KCNH7: variants seen among roughly 807,000 people sequenced by gnomAD.
The protein encoded by KCNH7 is potassium voltage-gated channel subfamily H member 7.
A neutral mutation model predicts 120.8 loss-of-function variants in KCNH7; 49 were observed. That is an observed-to-expected ratio of 0.41 (90% CI 0.32 to 0.51). The LOEUF (loss-of-function observed/expected upper bound fraction) is 0.51. Among genes scored for constraint, KCNH7 ranks in the 20% least tolerant of loss-of-function variants. KCNH7 has a pLI of 0.38. For missense variants in KCNH7, 1,097 were observed against 1,446.6 expected (o/e 0.76, Z 3.92); for synonymous variants, 547 against 516.1 (o/e 1.06, Z -0.81).
intron 6 of KCNH7, among the ~76,000 whole-genome samples, chr2:162,454,846 A>G (rs1558954072): frequency 2.0e-5 from 3 of 152,056 alleles, no homozygotes. Flanking sequence ...GGCTGAGAAG[A>G]TGGGGTTTTC....
chr2:162,672,595 A>C (rs1410879471), intron 2 of KCNH7, among the ~76,000 whole-genome samples: 2 of 152,052 alleles, frequency 1.3e-5, no homozygotes, highest in Non-Finnish European at 1.5e-5. Flanking sequence ...GTATGAAATA[A>C]TAACAAATGT....
intron 2 of KCNH7, among the ~76,000 whole-genome samples, chr2:162,635,331 GAAT>G (rs1178378720): frequency 6.6e-6 from 1 of 151,952 alleles, no homozygotes; most frequent in African/African-American, 2.4e-5. Flanking sequence ...CCATTCTTGG[GAAT>G]AATAATAAAT....
chr2:162,438,958 C>A (rs1429332810), intron 7 of KCNH7, among the ~76,000 whole-genome samples: 1 of 151,922 alleles, frequency 6.6e-6, no homozygotes, highest in Non-Finnish European at 1.5e-5. Flanking sequence ...TGTTATGAAC[C>A]CTTAGCCCCA....
At chr2:162,457,509 G>A (rs533942974) in intron 6 of KCNH7, among the ~76,000 whole-genome samples, 1 of 152,206 alleles carries the variant, frequency 6.6e-6, no homozygotes, top group Admixed American at 6.5e-5. Flanking sequence ...ACCTCTAACA[G>A]TTAAGTGTTA....
At chr2:162,466,529 C>T (rs1358543109) in intron 6 of KCNH7, among the ~76,000 whole-genome samples, 2 of 152,170 alleles carry the variant, frequency 1.3e-5, no homozygotes, top group African/African-American at 4.8e-5. Context: ...GGGATTATGG[C>T]AACAACAATT....
intron 2 of KCNH7, among the ~76,000 whole-genome samples, chr2:162,670,152 G>T (rs149971087): frequency 1.3e-4 from 19 of 151,532 alleles, no homozygotes; most frequent in Non-Finnish European, 1.9e-4. Flanking sequence ...TGTTTGAAAT[G>T]CAAATGCAAG....
intron 15 of KCNH7, 138 bp downstream of exon 15, chr2:162,373,332 C>T (rs1378939072): frequency 7.9e-6 from 4 of 506,146 alleles, no homozygotes; most frequent in Non-Finnish European, 1.3e-5. Flanking sequence ...GGGCCCATTT[C>T]CAGAAATTCT....
At position 162,720,799 on chromosome 2, in the gene KCNH7, G is replaced by T. The variant is rs1481673354; in HGVS notation, c.307+115738C>A. 1.3e-5 allele frequency among the ~76,000 whole-genome samples: 2 copies of T among 152,082 alleles called. 1 individual carries two copies. Among genetic ancestry groups the T allele is most frequent in the Non-Finnish European group, 2.9e-5 (2 of 67,986 alleles). On this transcript the variant is annotated intron_variant, in intron 2 of 15. Transcript: ENST00000332142. ...GTAGGTGTAGAAACCTCACTTGTTTGTCTTCGACATGAGTGACTCCTTTGT... is the reference window on the plus strand; with the variant it reads ...GTAGGTGTAGAAACCTCACTTGTTTTTCTTCGACATGAGTGACTCCTTTGT...
At chr2:162,833,369 C>T (rs1475149485) in intron 2 of KCNH7, among the ~76,000 whole-genome samples, 8 of 151,860 alleles carry the variant, frequency 5.3e-5, no homozygotes, top group African/African-American at 1.9e-4. Flanking sequence ...ATTTTTTAAT[C>T]TTTGTTGCTG....
At chr2:162,782,986 T>C (rs773761429) in intron 2 of KCNH7, among the ~76,000 whole-genome samples, 3 of 152,308 alleles carry the variant, frequency 2.0e-5, no homozygotes, top group Admixed American at 6.5e-5. Flanking sequence ...GATGCTGTGA[T>C]GGACAGATGC....
intron 4 of KCNH7, among the ~76,000 whole-genome samples, chr2:162,513,755 G>C (rs545107706): frequency 1.3e-5 from 2 of 151,802 alleles, no homozygotes; most frequent in South Asian, 4.1e-4. Context: ...AACTCAAAGA[G>C]TCATTCTTAG....
chr2:162,521,718 A>G (rs1691531654), intron 3 of KCNH7, among the ~76,000 whole-genome samples: 1 of 151,924 alleles, frequency 6.6e-6, no homozygotes, highest in East Asian at 1.9e-4. Flanking sequence ...TGGGATATGC[A>G]TCATCTCAAG....
chr2:162,539,200 C>T (rs77861282), intron 2 of KCNH7, among the ~76,000 whole-genome samples: 5,980 of 152,030 alleles, frequency 0.039, 164 homozygotes, highest in Non-Finnish European at 0.06. Context: ...GTGCTTCAGG[C>T]CAGGCATCAC....
At chr2:162,554,841 G>T (rs1275002958) in intron 2 of KCNH7, among the ~76,000 whole-genome samples, 1 of 152,108 alleles carries the variant, frequency 6.6e-6, no homozygotes, top group African/African-American at 2.4e-5. Flanking sequence ...GCTATGTAAG[G>T]TAACGTATTC....
rs1251567730 is a variant in KCNH7 at position 162,758,044 on chromosome 2, T to A, written c.307+78493A>T. On this transcript the variant is annotated intron_variant, in intron 2 of 15. Coordinates refer to ENST00000332142, the MANE Select transcript of KCNH7 (RefSeq NM_033272.4). ...TTTATATGCAGATATGGTCTAACAC[T>A]GGTTACCGGGAGAAAAGTAAAAACA... Among the ~76,000 whole-genome samples the A allele has an allele frequency of 2.6e-5, 4 of 152,166 alleles. No homozygotes were observed. The East Asian group carries it at 7.7e-4, about 29-fold the overall frequency.
intron 2 of KCNH7, among the ~76,000 whole-genome samples, chr2:162,731,249 T>A (rs1378143506): frequency 6.7e-6 from 1 of 148,670 alleles, no homozygotes; most frequent in Non-Finnish European, 1.5e-5. Flanking sequence ...TGTGTGTGTG[T>A]ATAATATTAT....
At position 162,773,963 on chromosome 2, in the gene KCNH7, T is replaced by C. The variant is rs114780066; in HGVS notation, c.307+62574A>G. Among the ~76,000 whole-genome samples the C allele has an allele frequency of 3.8e-3, 585 of 152,328 alleles. 7 individuals are homozygous for C. Among genetic ancestry groups the C allele is most frequent in the East Asian group, 0.028 (144 of 5,184 alleles). The stretch of plus-strand genomic sequence containing the variant: ...TTTTCAACACTCATACTTAGTATTT[T>C]ATGATTTTTTTTCTGGTAATAAAAT... On this transcript the variant is annotated intron_variant, in intron 2 of 15. Transcript: ENST00000332142.
At chr2:162,712,315 G>A (rs1264198661) in intron 2 of KCNH7, among the ~76,000 whole-genome samples, 2 of 151,824 alleles carry the variant, frequency 1.3e-5, no homozygotes, top group Admixed American at 6.6e-5. Flanking sequence ...TTCTCTTTGT[G>A]AAAATGTCTC....
At chr2:162,623,785 A>G (rs1683448457) in intron 2 of KCNH7, among the ~76,000 whole-genome samples, 2 of 152,212 alleles carry the variant, frequency 1.3e-5, no homozygotes, top group African/African-American at 4.8e-5. Flanking sequence ...CGCCTGGTAC[A>G]CATGATATAT....
Sources: gnomAD v4.1 joint callset for allele counts (sites outside exome capture counted in the v4.1 genomes callset) on GRCh38, gnomAD v4.1.1 for gene constraint, MANE v1.5 for transcripts, NCBI Gene and HGNC (gene_info 2026-07-23, HGNC 2026-07-21) for gene names.